The following USH2A variants were observed in gnomAD, a reference collection of about 807,000 sequenced individuals.
The protein encoded by USH2A is usherin.
USH2A carries 443 observed loss-of-function variants against 538.9 expected under a neutral mutation model. The ratio of observed to expected loss-of-function variants is 0.82; its 90% CI spans 0.76 to 0.89. The LOEUF is 0.89. USH2A is among the 40% of genes least tolerant of loss of function. The pLI, the probability that USH2A is intolerant of heterozygous loss-of-function variation, is 0.00. For missense variants in USH2A, 6,633 were observed against 6,324.8 expected, an observed-to-expected ratio of 1.05 and a Z score of -1.65; for synonymous variants, 2,413 against 2,273.5, an observed-to-expected ratio of 1.06 and a Z score of -1.75.
chr1:215,968,329 G>GT (rs1228577155), intron 36 of USH2A, among the ~76,000 whole-genome samples: 10 of 151,568 alleles, frequency 6.6e-5, no homozygotes, highest in South Asian at 2.1e-4. Flanking sequence ...ATCATTGTGG[G>GT]TTTTTTTTGT....
At chr1:215,687,891 A>C (rs4655414) in intron 61 of USH2A, among the ~76,000 whole-genome samples, 54,450 of 151,978 alleles carry the variant, frequency 0.36, 10,403 homozygotes, top group East Asian at 0.51. Flanking sequence ...ATACAATAGA[A>C]AGCAAGGGAG....
At chr1:216,356,901 A>G (rs1020613510) in intron 4 of USH2A, among the ~76,000 whole-genome samples, 8 of 152,270 alleles carry the variant, frequency 5.3e-5, no homozygotes, top group African/African-American at 1.7e-4. Context: ...ACCCCAAACT[A>G]TTTCCAACAC....
chr1:216,258,079 C>T (rs1425514553), intron 11 of USH2A, among the ~76,000 whole-genome samples: 1 of 152,038 alleles, frequency 6.6e-6, no homozygotes, highest in Admixed American at 6.6e-5. Context: ...TCTTTACATG[C>T]CTGATAATCT....
At chr1:216,184,218 G>A (rs974025249) in intron 20 of USH2A, among the ~76,000 whole-genome samples, 2 of 152,020 alleles carry the variant, frequency 1.3e-5, no homozygotes, top group Non-Finnish European at 2.9e-5. Context: ...AATTAGCCAA[G>A]TTGAATCATC....
chr1:216,047,920 T>C (rs561841372), intron 31 of USH2A, among the ~76,000 whole-genome samples: 2 of 152,338 alleles, frequency 1.3e-5, no homozygotes, highest in South Asian at 4.1e-4. Context: ...TGCTAAAATA[T>C]TTTCTCTTTC....
intron 64 of USH2A, among the ~76,000 whole-genome samples, chr1:215,652,419 G>A (rs1482509896): frequency 1.3e-5 from 2 of 152,244 alleles, no homozygotes; most frequent in African/African-American, 2.4e-5. Context: ...GTCTTAGCTT[G>A]CAAGGATGGA....
At chr1:215,671,425 A>T in intron 63 of USH2A, 132 bp from the exon 64 acceptor site, 4 of 1,020,068 alleles carry the variant, frequency 3.9e-6, no homozygotes, top group Non-Finnish European at 5.8e-6. Flanking sequence ...ATTCTTAAGA[A>T]TAACAAAGTT....
intron 61 of USH2A, among the ~76,000 whole-genome samples, chr1:215,694,100 C>T (rs1658712841): frequency 6.6e-6 from 1 of 152,158 alleles, no homozygotes. Context: ...AAAATTGTGA[C>T]TGGCACTGTA....
At chr1:215,865,899 G>A (rs1664456271) in intron 44 of USH2A, among the ~76,000 whole-genome samples, 1 of 152,094 alleles carries the variant, frequency 6.6e-6, no homozygotes, top group Admixed American at 6.5e-5. Context: ...ATTCACAATT[G>A]ATATCACTCA....
chr1:216,085,503 C>T (rs1003978943), intron 24 of USH2A, among the ~76,000 whole-genome samples: 5 of 152,000 alleles, frequency 3.3e-5, no homozygotes, highest in Admixed American at 6.6e-5. Context: ...GGTCGAATTT[C>T]ACACAGCCAC....
intron 64 of USH2A, among the ~76,000 whole-genome samples, chr1:215,652,471 G>C (rs1657113773): frequency 6.6e-6 from 1 of 152,190 alleles, no homozygotes; most frequent in Admixed American, 6.5e-5. Context: ...GGTTTGTTTT[G>C]GTAAGCACAG....
chr1:215,980,409 T>C (rs1036922441), intron 35 of USH2A, among the ~76,000 whole-genome samples: 12 of 152,176 alleles, frequency 7.9e-5, no homozygotes, highest in Non-Finnish European at 1.3e-4. Flanking sequence ...ATATACCTAT[T>C]CTTTCTACAT....
At chr1:216,216,224 T>A (rs2035339290) in intron 15 of USH2A, among the ~76,000 whole-genome samples, 1 of 152,146 alleles carries the variant, frequency 6.6e-6, no homozygotes, top group Non-Finnish European at 1.5e-5. Context: ...AAAGGAATTA[T>A]GACAGTTCTT....
intron 56 of USH2A, among the ~76,000 whole-genome samples, chr1:215,762,482 G>A (rs183202400): frequency 1.3e-5 from 2 of 152,156 alleles, no homozygotes; most frequent in Admixed American, 6.5e-5. Context: ...TATTTATACC[G>A]GCTGGCAAAA....
At chr1:216,210,838 G>A (rs1308931547) in intron 15 of USH2A, among the ~76,000 whole-genome samples, 2 of 152,022 alleles carry the variant, frequency 1.3e-5, no homozygotes, top group Non-Finnish European at 2.9e-5. Context: ...AAAATTAGCT[G>A]GGCATGGTGG....
At chr1:215,636,205 A>G (rs1432376757) in intron 69 of USH2A, among the ~76,000 whole-genome samples, 1 of 152,208 alleles carries the variant, frequency 6.6e-6, no homozygotes, top group Non-Finnish European at 1.5e-5. Context: ...CTAGAACTCC[A>G]TGGGCCTGCG....
chr1:215,679,177 C>T (rs1468731673), intron 62 of USH2A, among the ~76,000 whole-genome samples: 1 of 152,192 alleles, frequency 6.6e-6, no homozygotes, highest in Admixed American at 6.5e-5. Flanking sequence ...ACTGTGAGCT[C>T]TAGTTACAGT....
At chr1:215,796,727 T>C (rs757402299) in intron 50 of USH2A, among the ~76,000 whole-genome samples, 14 of 152,156 alleles carry the variant, frequency 9.2e-5, no homozygotes, top group Non-Finnish European at 1.8e-4. Flanking sequence ...AATCAAAAGC[T>C]AGGAATGATT....
rs765476745 is a variant in USH2A, at chr1:215,674,290, G to A, written c.13621C>T (p.Gln4541Ter). The A allele has an allele frequency of 9.9e-6, 16 of 1,613,996 alleles. No homozygotes were observed. The highest frequency in any genetic ancestry group is 6.7e-5 in the African/African-American group (5 of 74,898). ...AAGATCTCCTGAGGACCCCTGGCCT[G>A]CAATTTTGGAGGTTCCATCCCTGAG... ...APSGMEPPKL[Q>*]ARGPQEILVN... is the part of the protein sequence containing the mutation. Residue 4541 changes from glutamine to a stop codon, truncating the protein, a stop_gained, in exon 63 of 72, where the codon CAG (glutamine) becomes TAG (stop). Coordinates refer to ENST00000307340, the MANE Select transcript of USH2A (RefSeq NM_206933.4). LOFTEE classifies it high-confidence loss of function.
Sources: allele counts gnomAD v4.1 joint callset (sites outside exome capture counted in the v4.1 genomes callset), GRCh38; gene constraint gnomAD v4.1.1; transcripts MANE v1.5; gene names NCBI Gene and HGNC (gene_info 2026-07-23, HGNC 2026-07-21).